CCT4: variants seen among roughly 807,000 people sequenced by gnomAD.
The protein encoded by CCT4 is chaperonin containing TCP1 subunit 4.
In CCT4, 17 loss-of-function variants were observed where a neutral mutation model predicts 62.5. That is an observed-to-expected ratio of 0.27 (90% CI 0.19 to 0.41). The LOEUF is 0.41. Among genes scored for constraint, CCT4 ranks in the 10% least tolerant of loss-of-function variants. The pLI, the probability that CCT4 is intolerant of heterozygous loss-of-function variation, is 1.00. For synonymous variants in CCT4, 250 were observed against 229.9 expected (o/e 1.09, Z -0.79); for missense variants, 592 against 659.2 (o/e 0.90, Z 1.12).
At chr2:61,869,032 G>A (rs1399625360) in intron 13 of CCT4, among the ~76,000 whole-genome samples, 1 of 151,612 alleles carries the variant, frequency 6.6e-6, no homozygotes, top group Non-Finnish European at 1.5e-5. Context: ...CTACTTGGGA[G>A]GTGGGAGACT....
At chr2:61,882,159 C>T (rs979504501) in intron 3 of CCT4, among the ~76,000 whole-genome samples, 2 of 152,094 alleles carry the variant, frequency 1.3e-5, no homozygotes, top group Non-Finnish European at 2.9e-5. Flanking sequence ...TGTCGAACTC[C>T]TGACCTCAGG....
intron 8 of CCT4, among the ~76,000 whole-genome samples, chr2:61,874,064 G>C (rs1013638533): frequency 6.6e-6 from 1 of 152,080 alleles, no homozygotes; most frequent in African/African-American, 2.4e-5. Flanking sequence ...CATGAATTTA[G>C]AAGTATTAAT....
chr2:61,880,184 A>C (rs903157066), intron 4 of CCT4, 102 bp downstream of exon 4: 225 of 538,248 alleles, frequency 4.2e-4, no homozygotes, highest in Non-Finnish European at 1.6e-4. Context: ...AGTTATTCCA[A>C]ATTAAATCTT....
At chr2:61,868,799 A>G in intron 13 of CCT4, 93 bp from the exon 14 acceptor site, 1 of 881,906 alleles carries the variant, frequency 1.1e-6, no homozygotes. Flanking sequence ...GAAAACCTGT[A>G]TTAAGAACTG....
intron 1 of CCT4, among the ~76,000 whole-genome samples, chr2:61,886,947 C>T (rs1248125607): frequency 6.6e-6 from 1 of 152,012 alleles, no homozygotes; most frequent in African/African-American, 2.4e-5. Flanking sequence ...TTAGTAGAGA[C>T]GGGGTTTCTC....
In CCT4 at chr2:61,873,267, T is replaced by C; in HGVS notation, c.944A>G (p.His315Arg). The stretch of plus-strand genomic sequence containing the variant: ...CATGATCTTCATTTTATTCAGAAAG[T>C]GTAATGCAAGATCACTAAGAGCATC... The part of the protein sequence containing the change: ...LRDALSDLAL[H>R]FLNKMKIMVI... Residue 315 changes from histidine to arginine, a missense_variant, in exon 9 of 14, where the codon CAC becomes CGC. Transcript: ENST00000394440. 6.5e-7 allele frequency: 1 copy of C among 1,547,158 alleles called. No homozygotes were observed.
At chr2:61,888,350 G>C in intron 1 of CCT4, 31 bp downstream of exon 1, 3 of 1,601,024 alleles carry the variant, frequency 1.9e-6, no homozygotes, top group Non-Finnish European at 2.6e-6. Context: ...ACAACCCCGC[G>C]GCGCCGCGGG....
At chr2:61,885,558 G>A (rs1028813717) in intron 1 of CCT4, among the ~76,000 whole-genome samples, 52 of 152,088 alleles carry the variant, frequency 3.4e-4, no homozygotes, top group African/African-American at 1.1e-3. Flanking sequence ...CTACAGGCAC[G>A]TGCCACCACA....
At chr2:61,876,002 G>A in intron 8 of CCT4, 93 bp downstream of exon 8, 1 of 736,450 alleles carries the variant, frequency 1.4e-6, no homozygotes, top group Non-Finnish European at 2.2e-6. Flanking sequence ...CTTAGAGTAA[G>A]TGCTTAAATC....
At chr2:61,879,677 C>T (rs1008204326) in intron 4 of CCT4, among the ~76,000 whole-genome samples, 2 of 151,920 alleles carry the variant, frequency 1.3e-5, no homozygotes, top group African/African-American at 4.8e-5. Context: ...AAAGACAATC[C>T]TGACTTTCTC....
In CCT4 at chr2:61,883,783, C is replaced by G. The variant is rs918737150; in HGVS notation, c.181-235G>C. Among the ~76,000 whole-genome samples, 748 of 136,902 alleles carry G rather than the reference C, an allele frequency of 5.5e-3. 7 individuals carry two copies. Among genetic ancestry groups the G allele is most frequent in the African/African-American group, 0.021 (670 of 31,932 alleles). The allele number at this position is 136,902 out of a possible 152,430, so 89.8% of individuals were successfully genotyped here. A position where few individuals can be genotyped will look rare whatever the true frequency, so the allele number is the denominator to read the frequency against. ...AAGTGAAGAAATGTAGACACACACA[C>G]ACACACACACACACACACACACACA... On this transcript the variant is annotated intron_variant, in intron 2 of 13. Transcript: ENST00000394440.
chr2:61,869,280 G>A (rs1425553041), intron 13 of CCT4, among the ~76,000 whole-genome samples, 160 bp downstream of exon 13: 1 of 152,034 alleles, frequency 6.6e-6, no homozygotes, highest in Non-Finnish European at 1.5e-5. Flanking sequence ...AGGTTGCAGT[G>A]AGCCGAGACT....
At chr2:61,872,946 C>G (rs1668914953) in intron 10 of CCT4, 56 bp downstream of exon 10, 9 of 1,030,188 alleles carry the variant, frequency 8.7e-6, no homozygotes, top group African/African-American at 1.6e-5. Context: ...AAAAAAACAA[C>G]CTAAAACCCC....
In CCT4 at chr2:61,868,502, C is replaced by A. The variant is rs1189462033; in HGVS notation, c.*190G>T. On this transcript the variant is annotated 3_prime_UTR_variant, in exon 14 of 14. Transcript: ENST00000394440. ...AACAGAATGTTGGGAGAAGATAAAT[C>A]TGCCTTTTGAAACCAAATATTTAAT... 5.9e-6 allele frequency: 3 copies of A among 504,862 alleles called. No individual in the cohort carries two copies. In the East Asian group the frequency reaches 8.9e-5, roughly 15 times the overall value. 31.3% of individuals were successfully genotyped at this position (504,862 alleles called of 1,614,324 possible).
At chr2:61,878,092 A>ATAC (rs1291858019) in intron 5 of CCT4, among the ~76,000 whole-genome samples, 1 of 152,200 alleles carries the variant, frequency 6.6e-6, no homozygotes, top group Non-Finnish European at 1.5e-5. Flanking sequence ...CCATTACGCT[A>ATAC]TACTATCTGT....
chr2:61,876,827 A>T, intron 7 of CCT4, 93 bp downstream of exon 7: 2 of 1,075,310 alleles, frequency 1.9e-6, no homozygotes, highest in Non-Finnish European at 2.7e-6. Context: ...TCTGCTTTAA[A>T]TCACTAGTAG....
chr2:61,877,104 T>C (rs1162207028), intron 6 of CCT4, 52 bp from the exon 7 acceptor site: 1 of 1,497,840 alleles, frequency 6.7e-7, no homozygotes, highest in Non-Finnish European at 9.2e-7. Flanking sequence ...TGGACATCTG[T>C]ACGTTTAATA....
At chr2:61,877,856 T>C (rs963828641) in intron 5 of CCT4, among the ~76,000 whole-genome samples, 2 of 152,234 alleles carry the variant, frequency 1.3e-5, no homozygotes, top group Non-Finnish European at 2.9e-5. Context: ...ATCAATGTTA[T>C]GTATGTACAT....
At position 61,883,552 on chromosome 2, in the gene CCT4, G is replaced by GA; in HGVS notation, c.181-5dup. The GA allele has an allele frequency of 1.3e-5, 19 of 1,516,680 alleles. No homozygotes were observed. Among genetic ancestry groups the GA allele is most frequent in the Admixed American group, 3.8e-5 (2 of 53,248 alleles). 94.0% of individuals were successfully genotyped at this position (1,516,680 alleles called of 1,614,324 possible). On this transcript the variant is annotated splice_polypyrimidine_tract_variant and splice_region_variant and intron_variant, in intron 2 of 13. Coordinates refer to ENST00000394440, the MANE Select transcript of CCT4 (RefSeq NM_006430.4). ...CATCACCTTTTCCATCTTGAATCTA[G>GA]AAAAAAAATTTTAAAGTTATATTTC...
Sources: allele counts gnomAD v4.1 joint callset (sites outside exome capture counted in the v4.1 genomes callset), GRCh38; gene constraint gnomAD v4.1.1; transcripts MANE v1.5; gene names NCBI Gene and HGNC (gene_info 2026-07-23, HGNC 2026-07-21).